Variants in GPRIN3 observed in about 807,000 individuals in gnomAD.
GPRIN3 encodes the protein GPRIN family member 3, also known as G protein-regulated inducer of neurite outgrowth 3.
Under a neutral mutation model 13.7 loss-of-function variants are expected in GPRIN3, and 12 were observed. The observed-to-expected ratio is 0.87, with a 90% CI of 0.56 to 1.42. The LOEUF (loss-of-function observed/expected upper bound fraction) is 1.42, where lower values mean the gene tolerates loss of function less well. Among genes scored for constraint, GPRIN3 ranks in the 40% most tolerant of loss-of-function variants. GPRIN3 has a pLI of 0.00. For missense variants in GPRIN3, 1,009 were observed against 958.7 expected (o/e 1.05, Z -0.69); for synonymous variants, 377 against 372.7 (o/e 1.01, Z -0.13).
intron 1 of GPRIN3, among the ~76,000 whole-genome samples, chr4:89,301,299 C>T (rs940408270): frequency 2.6e-5 from 4 of 152,128 alleles, no homozygotes; most frequent in African/African-American, 9.7e-5. Flanking sequence ...ATTCATATCA[C>T]AGAGTCAAAA....
intron 1 of GPRIN3, among the ~76,000 whole-genome samples, chr4:89,256,741 C>T (rs1252418052): frequency 6.6e-6 from 1 of 152,198 alleles, no homozygotes; most frequent in Non-Finnish European, 1.5e-5. Flanking sequence ...TTCTTTCCAG[C>T]CATCTGACAG....
rs748922237 is a variant in GPRIN3, at chr4:89,248,337, T to C, written c.1774A>G (p.Thr592Ala). The C allele has an allele frequency of 2.5e-6, 4 of 1,614,042 alleles. No homozygotes were observed. The highest frequency in any genetic ancestry group is 2.7e-5 in the African/African-American group (2 of 74,928). The change falls in exon 2 of 2, where the codon ACC (threonine) becomes GCC (alanine). Residue 592 changes from threonine (T) to alanine (A), a missense_variant. By Grantham distance (58) the Thr-to-Ala change is moderately conservative. Transcript: ENST00000609438. ...PSPIRKNQES[T>A]LEENRQTKTA... ...TTGGTCTGTCTGTTTTCTTCTAAGGTGCTCTCCTGGTTCTTCCTAATTGGG... is the reference window on the plus strand; with the variant it reads ...TTGGTCTGTCTGTTTTCTTCTAAGGCGCTCTCCTGGTTCTTCCTAATTGGG...
chr4:89,247,020 G>C lies in GPRIN3; in HGVS notation c.*760C>G, dbSNP rs1274025583. On this transcript the variant is annotated 3_prime_UTR_variant, in exon 2 of 2. Transcript: ENST00000609438. The stretch of plus-strand genomic sequence containing the variant: ...ATGAATATGTCTGGTCAGAATCACA[G>C]AGATGCGCCTTGCCTTCAGTGCAGG... The C allele has an allele frequency of 6.6e-6, 1 of 152,186 alleles. No homozygotes were observed. The highest frequency in any genetic ancestry group is 1.5e-5 in the Non-Finnish European group (1 of 68,028). 9.4% of individuals were successfully genotyped at this position (152,186 alleles called of 1,614,324 possible).
Position 89,247,899 on chromosome 4 carries a change from C to A in GPRIN3, c.2212G>T (p.Asp738Tyr), listed in dbSNP as rs775390744. The change falls in exon 2 of 2, where the codon GAT becomes TAT. Residue 738 changes from aspartate to tyrosine, a missense_variant. Physicochemically the swap from Asp to Tyr is radical, Grantham distance 160. Transcript: ENST00000609438. ...CTGAGCTTCTTATTTGAAGAAGTAT[C>A]TGAGGAAATGGATCTCCGGGTCTGG... Reference protein sequence around the residue: ...NSQTRRSISSDTSSNKKLRGR... With the variant: ...NSQTRRSISSYTSSNKKLRGR... 81 of 1,614,038 alleles carry A rather than the reference C, an allele frequency of 5.0e-5. 1 individual carries two copies. In the South Asian group the frequency reaches 8.6e-4, roughly 17 times the overall value.
Position 89,248,960 on chromosome 4 carries a change from T to C in GPRIN3, c.1151A>G (p.Gln384Arg), listed in dbSNP as rs778871750. 6.2e-7 allele frequency: 1 copy of C among 1,614,156 alleles called. No homozygotes were observed. Among genetic ancestry groups the C allele is most frequent in the Admixed American group, 1.7e-5 (1 of 60,028 alleles). ...DSTLAPQESS[Q>R]CPGIMPQVHI... is the part of the protein sequence containing the mutation. The stretch of plus-strand genomic sequence containing the variant: ...CACCTGTGGCATGATGCCAGGGCAC[T>C]GGCTGGACTCCTGGGGGGCTAGCGT... Residue 384 changes from glutamine (Q) to arginine (R), a missense_variant, in exon 2 of 2, where the codon CAG becomes CGG. Gln to Arg is a conservative substitution (Grantham distance 43, BLOSUM62 1). Coordinates refer to ENST00000609438, the MANE Select transcript of GPRIN3 (RefSeq NM_198281.3).
At chr4:89,270,565 T>TTATATATATATATATA (rs1199230242) in intron 1 of GPRIN3, among the ~76,000 whole-genome samples, 442 of 82,126 alleles carry the variant, frequency 5.4e-3, no homozygotes, top group South Asian at 0.01. Flanking sequence ...TGTATATAAT[T>TTATATATATATATATA]TATATATATA....
chr4:89,251,274 C>G lies in GPRIN3; in HGVS notation c.-123-1041G>C, dbSNP rs550404388. 1.8e-4 allele frequency: 28 copies of G among 152,244 alleles called. No homozygotes were observed. In the South Asian group the frequency reaches 4.6e-3, roughly 25 times the overall value. 9.4% of individuals were successfully genotyped at this position (152,244 alleles called of 1,614,324 possible). ...AGTAACAATGCAATTTGACTTCACA[C>G]CAGTTGCATCTGCAAAATCTTAAAA... is the stretch of plus-strand genomic sequence containing the variant. On this transcript the variant is annotated intron_variant, in intron 1 of 1. Coordinates refer to ENST00000609438, the MANE Select transcript of GPRIN3 (RefSeq NM_198281.3).
chr4:89,248,292 G>A lies in GPRIN3; in HGVS notation c.1819C>T (p.Leu607=), dbSNP rs757395251. 14 of 1,614,078 alleles carry A rather than the reference G, an allele frequency of 8.7e-6. No homozygotes were observed. The highest frequency in any genetic ancestry group is 1.6e-4 in the Middle Eastern group (1 of 6,084). Residue 607 remains leucine (L), a synonymous_variant, in exon 2 of 2, where the codon CTG becomes TTG. Transcript: ENST00000609438. ...GAGTCACCCATGGGATCAGATGGCA[G>A]GCTCAGGCTGGTGGCTGTCTTGGTC... ...RQTKTATSLS[L]PSDPMGDSSP... is the part of the protein sequence containing the mutation.
At chr4:89,285,488 G>A (rs756611309) in intron 1 of GPRIN3, among the ~76,000 whole-genome samples, 4 of 152,050 alleles carry the variant, frequency 2.6e-5, no homozygotes, top group Non-Finnish European at 4.4e-5. Flanking sequence ...CTTTATTTGT[G>A]CAGTGGGCAG....
chr4:89,257,694 T>C (rs1275257994), intron 1 of GPRIN3, among the ~76,000 whole-genome samples: 1 of 152,184 alleles, frequency 6.6e-6, no homozygotes, highest in Non-Finnish European at 1.5e-5. Flanking sequence ...GAGAGACCTC[T>C]TTTAATTTTT....
At chr4:89,253,955 A>C (rs1321254870) in intron 1 of GPRIN3, among the ~76,000 whole-genome samples, 1 of 152,170 alleles carries the variant, frequency 6.6e-6, no homozygotes, top group Non-Finnish European at 1.5e-5. Flanking sequence ...GGTCAGGCAA[A>C]TCGAACATTT....
chr4:89,254,829 T>C (rs554492293), intron 1 of GPRIN3, among the ~76,000 whole-genome samples: 2 of 152,320 alleles, frequency 1.3e-5, no homozygotes, highest in East Asian at 1.9e-4. Context: ...TGGAACTCTT[T>C]CCCTTTTTCC....
At chr4:89,299,645 A>C (rs1724839256) in intron 1 of GPRIN3, among the ~76,000 whole-genome samples, 3 of 152,182 alleles carry the variant, frequency 2.0e-5, no homozygotes, top group African/African-American at 7.2e-5. Context: ...AGCCTCAGAG[A>C]GGGGTTGCAA....
At chr4:89,272,365 T>C (rs1357598301) in intron 1 of GPRIN3, among the ~76,000 whole-genome samples, 3 of 152,172 alleles carry the variant, frequency 2.0e-5, no homozygotes, top group Non-Finnish European at 4.4e-5. Flanking sequence ...ATGCCTACCA[T>C]ACCACATACA....
rs183489753 is a variant in GPRIN3 at position 89,248,611 on chromosome 4, T to A, written c.1500A>T (p.Thr500=). Residue 500 remains threonine, a synonymous_variant, in exon 2 of 2, where the codon ACA becomes ACT. Coordinates refer to ENST00000609438, the MANE Select transcript of GPRIN3 (RefSeq NM_198281.3). The part of the protein sequence containing the change: ...TRPSEFAEKT[T]NGHKTDPDCK... ...AATCTGGGTCTGTTTTGTGGCCGTT[T>A]GTCGTTTTCTCTGCAAACTCAGATG... 1 of 1,614,068 alleles carries A rather than the reference T, an allele frequency of 6.2e-7. No individual in the cohort carries two copies. Among genetic ancestry groups the A allele is most frequent in the Admixed American group, 1.7e-5 (1 of 60,028 alleles).
chr4:89,281,878 C>A (rs113634626), intron 1 of GPRIN3, among the ~76,000 whole-genome samples: 153 of 152,274 alleles, frequency 1.0e-3, no homozygotes, highest in African/African-American at 3.4e-3. Flanking sequence ...CATCCCTAAA[C>A]CATTCCCCCT....
At chr4:89,302,268 T>C (rs1724920004) in intron 1 of GPRIN3, among the ~76,000 whole-genome samples, 4 of 152,206 alleles carry the variant, frequency 2.6e-5, no homozygotes, top group African/African-American at 9.6e-5. Flanking sequence ...CTTTTTCCCT[T>C]AGCCAAGAAT....
Position 89,239,143 on chromosome 4 carries a change from G to A in GPRIN3, c.*8637C>T, listed in dbSNP as rs769583324. The stretch of plus-strand genomic sequence containing the variant: ...TTATGGCCTTTGTAAACATTATAAT[G>A]TAGACATTATAAAAAAACATAACTT... On this transcript the variant is annotated 3_prime_UTR_variant, in exon 2 of 2. Coordinates refer to ENST00000609438, the MANE Select transcript of GPRIN3 (RefSeq NM_198281.3). 58 of 151,974 alleles carry A rather than the reference G, an allele frequency of 3.8e-4. No homozygotes were observed. The highest frequency in any genetic ancestry group is 6.6e-4 in the Non-Finnish European group (45 of 67,970). The allele number at this position is 151,974 out of a possible 1,614,324, so 9.4% of individuals were successfully genotyped here.
chr4:89,285,463 C>G (rs1399691664), intron 1 of GPRIN3, among the ~76,000 whole-genome samples: 1 of 152,144 alleles, frequency 6.6e-6, no homozygotes, highest in Non-Finnish European at 1.5e-5. Context: ...TTTTTCTTTA[C>G]TGCAATGCCA....
Sources: gnomAD v4.1 joint callset for allele counts (sites outside exome capture counted in the v4.1 genomes callset) on GRCh38, gnomAD v4.1.1 for gene constraint, MANE v1.5 for transcripts, NCBI Gene and HGNC (gene_info 2026-07-23, HGNC 2026-07-21) for gene names.